The following NUP210 variants were observed in gnomAD, a reference collection of about 807,000 sequenced individuals.
NUP210 encodes the protein nuclear pore membrane glycoprotein 210.
In NUP210, 151 loss-of-function variants were observed where a neutral mutation model predicts 196.0. The observed-to-expected ratio is 0.77, with a 90% confidence interval of 0.67 to 0.88. The LOEUF is 0.88. Among genes scored for constraint, NUP210 ranks in the 40% least tolerant of loss-of-function variants. The pLI is 0.00. For missense variants in NUP210, 2,314 were observed against 2,493.7 expected, an observed-to-expected ratio of 0.93 and a Z score of 1.53; for synonymous variants, 1,070 against 1,052.7, an observed-to-expected ratio of 1.02 and a Z score of -0.32.
At position 13,386,313 on chromosome 3, in the gene NUP210, T is replaced by A; in HGVS notation, c.779A>T (p.His260Leu). Reference protein sequence around the residue: ...DVYLMVGTSIHYKVQKIRQGK... With the variant: ...DVYLMVGTSILYKVQKIRQGK... ...TTGCCTGATCTTCTGCACCTTGTAG[T>A]GAATGGAGGTTCCCACCATCAGGTA... Residue 260 changes from histidine (H) to leucine (L), a missense_variant, in exon 6 of 40, where the codon CAC becomes CTC. By Grantham distance (99) the His-to-Leu change is moderately conservative. Transcript: ENST00000254508. 1 of 1,614,184 alleles carries A rather than the reference T, an allele frequency of 6.2e-7. No homozygotes were observed. Among genetic ancestry groups the A allele is most frequent in the South Asian group, 1.1e-5 (1 of 91,088 alleles).
intron 6 of NUP210, among the ~76,000 whole-genome samples, chr3:13,383,513 GCT>G (rs1699169186): frequency 1.0e-5 from 1 of 96,174 alleles, no homozygotes; most frequent in Non-Finnish European, 2.2e-5. Flanking sequence ...TTTAGAGTGA[GCT>G]CTTTTTTTTT....
chr3:13,353,566 T>C lies in NUP210; in HGVS notation c.2616A>G (p.Arg872=). ...CCCTGGGAGATACCGGCTGCTTTGT[T>C]CTGGCAGAGCTGAGGTGGGACTCCT... ...GYQESHLSSA[R]TKQPHDPLVP... The change falls in exon 18 of 40, where the codon AGA becomes AGG. Residue 872 remains arginine, a synonymous_variant. Transcript: ENST00000254508. 6.2e-7 allele frequency: 1 copy of C among 1,614,004 alleles called. No individual in the cohort carries two copies. Among genetic ancestry groups the C allele is most frequent in the Non-Finnish European group, 8.5e-7 (1 of 1,179,936 alleles).
At chr3:13,417,954 A>G (rs749113472) in intron 1 of NUP210, among the ~76,000 whole-genome samples, 1 of 152,274 alleles carries the variant, frequency 6.6e-6, no homozygotes, top group Non-Finnish European at 1.5e-5. Context: ...AAAAGAAAAA[A>G]GTACAGCTAT....
At chr3:13,407,390 C>A (rs1459401288) in intron 1 of NUP210, among the ~76,000 whole-genome samples, 1 of 152,144 alleles carries the variant, frequency 6.6e-6, no homozygotes, top group Non-Finnish European at 1.5e-5. Context: ...TGAAGCCTGA[C>A]CCTAAAGCCC....
In NUP210 at chr3:13,319,251, C is replaced by G. The variant is rs771193612; in HGVS notation, c.5458G>C (p.Gly1820Arg). 3.1e-6 allele frequency: 5 copies of G among 1,613,338 alleles called. No individual in the cohort carries two copies. The Admixed American group carries it at 6.7e-5, about 22-fold the overall frequency. Residue 1820 changes from glycine (G) to arginine (R), a missense_variant, in exon 38 of 40, where the codon GGG becomes CGG. Gly to Arg is a moderately radical substitution (Grantham distance 125). Coordinates refer to ENST00000254508, the MANE Select transcript of NUP210 (RefSeq NM_024923.4). The stretch of plus-strand genomic sequence containing the variant: ...TCACCTATGATCATGACCGCTGTCC[C>G]AGCCAACAGGGCGAAGAGCGTGAAG... ...MFFTLFALLA[G>R]TAVMIIAYHT...
intron 1 of NUP210, among the ~76,000 whole-genome samples, chr3:13,410,534 C>T (rs1386473794): frequency 6.7e-6 from 1 of 150,308 alleles, no homozygotes; most frequent in Non-Finnish European, 1.5e-5. Flanking sequence ...GCCTGTAACC[C>T]TAACACTTTG....
At chr3:13,400,995 T>A (rs542478587) in intron 1 of NUP210, among the ~76,000 whole-genome samples, 2 of 152,166 alleles carry the variant, frequency 1.3e-5, no homozygotes, top group African/African-American at 4.8e-5. Flanking sequence ...CAGTGGCTCA[T>A]GCCTGTAATC....
intron 32 of NUP210, among the ~76,000 whole-genome samples, chr3:13,326,281 CAGGCCCTGCCCTCTGT>C (rs1344179620): frequency 1.3e-5 from 2 of 152,228 alleles, no homozygotes; most frequent in African/African-American, 4.8e-5. Flanking sequence ...GTGCTGCTGC[CAGGCCCTGCCCTCTGT>C]AGCTCCTTCC....
In NUP210 at chr3:13,414,709, C is replaced by T. The variant is rs574908909; in HGVS notation, c.167+5351G>A. ...TGCTGTCCCCTCCAACTCAACCCCA[C>T]TCCACTCCTAGTTCGACTCCCAGGA... On this transcript the variant is annotated intron_variant, in intron 1 of 39. Coordinates refer to ENST00000254508, the MANE Select transcript of NUP210 (RefSeq NM_024923.4). Among the ~76,000 whole-genome samples, 3 of 152,368 alleles carry T rather than the reference C, an allele frequency of 2.0e-5. No individual in the cohort carries two copies. In the South Asian group the frequency reaches 6.2e-4, roughly 32 times the overall value.
At chr3:13,383,781 C>A (rs1699179891) in intron 6 of NUP210, among the ~76,000 whole-genome samples, 1 of 151,916 alleles carries the variant, frequency 6.6e-6, no homozygotes, top group Admixed American at 6.6e-5. Context: ...CCCGCCTCGG[C>A]CTCCCAAAAT....
At chr3:13,346,721 T>C (rs899543169) in intron 20 of NUP210, among the ~76,000 whole-genome samples, 6 of 152,208 alleles carry the variant, frequency 3.9e-5, no homozygotes, top group Non-Finnish European at 5.9e-5. Flanking sequence ...CTGCAGGGGA[T>C]AAGGGACCTT....
chr3:13,340,303 TGA>T lies in NUP210; in HGVS notation c.3229-7_3229-6del. ...CAGCCTGAACGGGGGAAAGACCTGT[TGA>T]GAGACACAGGAGAGAAAGGACTACT... On this transcript the variant is annotated splice_region_variant and splice_polypyrimidine_tract_variant and intron_variant, in intron 23 of 39. Coordinates refer to ENST00000254508, the MANE Select transcript of NUP210 (RefSeq NM_024923.4). This position sits in a 1 kb window ranked among gnomAD's most constrained non-coding sequence, Gnocchi z 4.0. 1 of 1,613,214 alleles carries T rather than the reference TGA, an allele frequency of 6.2e-7. No individual in the cohort carries two copies. The highest frequency in any genetic ancestry group is 8.5e-7 in the Non-Finnish European group (1 of 1,179,902).
Position 13,325,803 on chromosome 3 carries a change from A to G in NUP210, c.4636T>C (p.Tyr1546His). ...YYEVAGHLRTYKEVVVSVPQR... is the reference protein window; with the variant it reads ...YYEVAGHLRTHKEVVVSVPQR... ...GGCTGCTTAGAGCCCACCTCCTTGT[A>G]GGTCCTCAGGTGCCCAGCGACCTCA... The change falls in exon 33 of 40, where the codon TAC (tyrosine) becomes CAC (histidine). Residue 1546 changes from tyrosine (Y) to histidine (H), a missense_variant. Transcript: ENST00000254508. 6.2e-7 allele frequency: 1 copy of G among 1,613,806 alleles called. No individual in the cohort carries two copies. The highest frequency in any genetic ancestry group is 8.5e-7 in the Non-Finnish European group (1 of 1,179,994).
chr3:13,405,097 C>T (rs1015805286), intron 1 of NUP210, among the ~76,000 whole-genome samples: 4 of 152,068 alleles, frequency 2.6e-5, no homozygotes, highest in African/African-American at 9.7e-5. Flanking sequence ...CTTGACTGAG[C>T]CACAGTGACC....
At position 13,322,117 on chromosome 3, in the gene NUP210, C is replaced by G. The variant is rs1023136738; in HGVS notation, c.4915+76G>C. ...GGACAGACGGCCATGGTGAGCTGGG[C>G]ACGTGGAAGCCGCAAGATGCCCAGA... On this transcript the variant is annotated intron_variant, in intron 35 of 39. Transcript: ENST00000254508. 2.6e-6 allele frequency: 4 copies of G among 1,534,952 alleles called. No individual in the cohort carries two copies. The African/African-American group carries it at 5.4e-5, about 21-fold the overall frequency.
chr3:13,317,536 G>A lies in NUP210; in HGVS notation c.*145C>T, dbSNP rs937818015. On this transcript the variant is annotated 3_prime_UTR_variant, in exon 40 of 40. Transcript: ENST00000254508. The stretch of plus-strand genomic sequence containing the variant: ...TGGGCAGAGCCGAAACTACAGCTCT[G>A]TGTGAAGAGACGGCAGTGAAGCTGG... The A allele has an allele frequency of 2.8e-5, 19 of 671,646 alleles. No individual in the cohort carries two copies. In the African/African-American group the frequency reaches 3.4e-4, roughly 12 times the overall value. 41.6% of individuals were successfully genotyped at this position (671,646 alleles called of 1,614,324 possible). A position where few individuals can be genotyped will look rare whatever the true frequency, so the allele number is the denominator to read the frequency against.
intron 9 of NUP210, 50 bp downstream of exon 9, chr3:13,377,406 G>A: frequency 7.2e-7 from 1 of 1,383,676 alleles, no homozygotes; most frequent in Non-Finnish European, 1.0e-6. Flanking sequence ...AGCCGCGTCA[G>A]ACAACGACCC....
At chr3:13,401,597 C>T (rs1699843000) in intron 1 of NUP210, among the ~76,000 whole-genome samples, 1 of 152,144 alleles carries the variant, frequency 6.6e-6, no homozygotes, top group Admixed American at 6.5e-5. Context: ...AGGCACAAGC[C>T]CACACAGGAG....
chr3:13,319,355 AACC>A, intron 37 of NUP210, 30 bp from the exon 38 acceptor site: 1 of 1,563,372 alleles, frequency 6.4e-7, no homozygotes, highest in Non-Finnish European at 8.7e-7. Context: ...GAGTTACCAA[AACC>A]ACCAGGCCCA....
Sources: gnomAD v4.1 joint callset for allele counts (sites outside exome capture counted in the v4.1 genomes callset) on GRCh38, gnomAD v4.1.1 for gene constraint, Gnocchi (gnomAD v3.1) non-coding constraint, MANE v1.5 for transcripts, NCBI Gene and HGNC (gene_info 2026-07-23, HGNC 2026-07-21) for gene names.